SLC36A1: variants seen among roughly 807,000 people sequenced by gnomAD.
SLC36A1 encodes the protein solute carrier family 36 member 1.
In SLC36A1, 30 loss-of-function variants were observed where a neutral mutation model predicts 47.5. The observed-to-expected ratio is 0.63, with a 90% confidence interval of 0.47 to 0.86. The LOEUF is 0.86. SLC36A1 is among the 40% of genes least tolerant of loss of function. The pLI is 0.00. For synonymous variants in SLC36A1, 255 were observed against 249.7 expected (o/e 1.02, Z -0.20); for missense variants, 517 against 606.0 (o/e 0.85, Z 1.54).
chr5:151,528,939 ATTCCAT>A, the SLC36A1 span, among the ~76,000 whole-genome samples: 1 of 152,034 alleles, frequency 6.6e-6, no homozygotes, highest in Non-Finnish European at 1.5e-5. Context: ...CCCATGCCCC[ATTCCAT>A]TGTCTCTGAT....
chr5:151,400,985 C>A, the SLC36A1 span, among the ~76,000 whole-genome samples: 1 of 152,002 alleles, frequency 6.6e-6, no homozygotes, highest in South Asian at 2.1e-4. Context: ...TTTGTTTATC[C>A]TGTTGATAGT....
At chr5:151,551,369 G>A in the SLC36A1 span, 1 of 1,281,494 alleles carries the variant, frequency 7.8e-7, no homozygotes, top group East Asian at 2.3e-5. Flanking sequence ...TGTTCCTTGA[G>A]GAACACCACA....
the SLC36A1 span, chr5:151,542,298 G>A: frequency 1.7e-5 from 27 of 1,599,816 alleles, no homozygotes; most frequent in Non-Finnish European, 2.1e-5. Context: ...TGATGTAGCA[G>A]GTGACCTGCC....
chr5:151,441,022 A>G (rs1029208952), intron 1 of SLC36A1, among the ~76,000 whole-genome samples: 1 of 152,178 alleles, frequency 6.6e-6, no homozygotes, highest in Admixed American at 6.5e-5. Context: ...TGCCCCCACA[A>G]CCCAGGGTTT....
At chr5:151,379,872 C>T in the SLC36A1 span, among the ~76,000 whole-genome samples, 640 of 152,120 alleles carry the variant, frequency 4.2e-3, 4 homozygotes, top group Non-Finnish European at 6.7e-3. Flanking sequence ...TGGCTAGCAA[C>T]TATATTAATG....
At chr5:151,481,517 A>T (rs1194652361) in intron 10 of SLC36A1, among the ~76,000 whole-genome samples, 1 of 152,082 alleles carries the variant, frequency 6.6e-6, no homozygotes, top group African/African-American at 2.4e-5. Flanking sequence ...TTTTTCATTT[A>T]TATTCATAAA....
the SLC36A1 span, chr5:151,381,028 G>T: frequency 2.5e-6 from 1 of 393,368 alleles, no homozygotes; most frequent in South Asian, 2.2e-5. Flanking sequence ...TCTTGTTGAA[G>T]AGGCGGGAGG....
chr5:151,517,801 A>T, the SLC36A1 span: 1 of 1,612,162 alleles, frequency 6.2e-7, no homozygotes, highest in Non-Finnish European at 8.5e-7. Flanking sequence ...CTCTACTTGA[A>T]GTGGTCCCCA....
At chr5:151,377,347 C>CTTTT in the SLC36A1 span, among the ~76,000 whole-genome samples, 180 of 120,256 alleles carry the variant, frequency 1.5e-3, 2 homozygotes, top group South Asian at 8.8e-3. Context: ...CTGTCTCTTT[C>CTTTT]TTTTTTTTTT....
the SLC36A1 span, among the ~76,000 whole-genome samples, chr5:151,537,335 AAAG>A: frequency 3.8e-3 from 2 of 526 alleles, no homozygotes; most frequent in Non-Finnish European, 6.4e-3. Flanking sequence ...AAAAGAAAGA[AAAG>A]AAAAGAAAAG....
the SLC36A1 span, among the ~76,000 whole-genome samples, chr5:151,354,165 G>T: frequency 6.6e-6 from 1 of 152,106 alleles, no homozygotes; most frequent in Non-Finnish European, 1.5e-5. Context: ...TTAGCCAGGC[G>T]TGGTGGTGCA....
At chr5:151,365,301 G>T in the SLC36A1 span, among the ~76,000 whole-genome samples, 3 of 152,180 alleles carry the variant, frequency 2.0e-5, no homozygotes, top group East Asian at 3.8e-4. Context: ...TCAAGATGTT[G>T]CCTGTGGCAT....
At chr5:151,438,362 C>A (rs1241248321) in intron 1 of SLC36A1, among the ~76,000 whole-genome samples, 6 of 151,724 alleles carry the variant, frequency 4.0e-5, no homozygotes, top group African/African-American at 1.5e-4. Flanking sequence ...TTTATATGTC[C>A]TTGAGATCAA....
At chr5:151,537,889 C>A in the SLC36A1 span, 1 of 1,614,108 alleles carries the variant, frequency 6.2e-7, no homozygotes, top group African/African-American at 1.3e-5. Context: ...GTGGCAGAAA[C>A]CTTCAAAATG....
chr5:151,387,343 AT>A, the SLC36A1 span: 16 of 152,384 alleles, frequency 1.0e-4, no homozygotes, highest in African/African-American at 3.8e-4. Context: ...TGAGACAGAA[AT>A]TGGGAATAGT....
At chr5:151,525,432 T>A in the SLC36A1 span, among the ~76,000 whole-genome samples, 1 of 152,204 alleles carries the variant, frequency 6.6e-6, no homozygotes. Flanking sequence ...AGAGGGTGTT[T>A]TGCCCAGGCA....
the SLC36A1 span, among the ~76,000 whole-genome samples, chr5:151,346,673 G>A: frequency 6.6e-6 from 1 of 152,176 alleles, no homozygotes; most frequent in Non-Finnish European, 1.5e-5. Context: ...GTCAGATGTG[G>A]GGAAGGGAGC....
At chr5:151,383,039 C>T in the SLC36A1 span, among the ~76,000 whole-genome samples, 1 of 152,180 alleles carries the variant, frequency 6.6e-6, no homozygotes, top group South Asian at 2.1e-4. Flanking sequence ...GCTGGGATTA[C>T]AGGAGTGAGC....
At chr5:151,447,087 CAAG>C (rs1246966494), upstream of SLC36A1, among the ~76,000 whole-genome samples, 8 of 152,218 alleles carry the variant, frequency 5.3e-5, no homozygotes, top group South Asian at 1.2e-3. Flanking sequence ...AAGTCTGTAA[CAAG>C]GAGGTAAAAG....
Sources: allele counts gnomAD v4.1 joint callset (sites outside exome capture counted in the v4.1 genomes callset), GRCh38; gene constraint gnomAD v4.1.1; transcripts MANE v1.5; gene names NCBI Gene and HGNC (gene_info 2026-07-23, HGNC 2026-07-21).